The following TM4SF20 variants were observed in gnomAD, a reference collection of about 807,000 sequenced individuals.
TM4SF20 encodes the protein transmembrane 4 L six family member 20.
Under a neutral mutation model 15.1 loss-of-function variants are expected in TM4SF20, and 13 were observed. The observed-to-expected ratio is 0.86, with a 90% CI of 0.56 to 1.36. The LOEUF (loss-of-function observed/expected upper bound fraction) is 1.36, where lower values mean the gene tolerates loss of function less well. TM4SF20 is among the 40% of genes most tolerant of loss of function. TM4SF20 has a pLI of 0.00. For synonymous variants in TM4SF20, 92 were observed against 96.6 expected (o/e 0.95, Z 0.28); for missense variants, 282 against 268.4 (o/e 1.05, Z -0.35).
chr2:227,363,594 G>A lies in TM4SF20; in HGVS notation c.*130C>T, dbSNP rs938179404. 2 of 862,606 alleles carry A rather than the reference G, an allele frequency of 2.3e-6. No individual in the cohort carries two copies. The highest frequency in any genetic ancestry group is 3.5e-6 in the Non-Finnish European group (2 of 566,424). The allele number at this position is 862,606 out of a possible 1,614,324, so 53.4% of individuals were successfully genotyped here. A position where few individuals can be genotyped will look rare whatever the true frequency, so the allele number is the denominator to read the frequency against. On this transcript the variant is annotated 3_prime_UTR_variant, in exon 4 of 4. Coordinates refer to ENST00000304568, the MANE Select transcript of TM4SF20 (RefSeq NM_024795.4). ...CCAAATCAACCACTGATATGAGAGT[G>A]TTATGCATTTACAACGTGCTTTCTA...
chr2:227,366,173 C>G lies in TM4SF20; in HGVS notation c.321G>C (p.Gln107His). Residue 107 changes from glutamine (Q) to histidine (H), a missense_variant, in exon 3 of 4, where the codon CAG (glutamine) becomes CAC (histidine). Gln to His is a conservative substitution (Grantham distance 24). Coordinates refer to ENST00000304568, the MANE Select transcript of TM4SF20 (RefSeq NM_024795.4). ...GALYCMLISI[Q>H]ALLKGPLMCN... The stretch of plus-strand genomic sequence containing the variant: ...ACATGAGAGGACCTTTTAAGAGAGC[C>G]TGGATGGATATCAGCATGCAATACA... 6.2e-7 allele frequency: 1 copy of G among 1,613,998 alleles called. No homozygotes were observed. The highest frequency in any genetic ancestry group is 8.5e-7 in the Non-Finnish European group (1 of 1,179,940).
chr2:227,368,703 G>C (rs2076406017), intron 2 of TM4SF20, among the ~76,000 whole-genome samples: 1 of 152,160 alleles, frequency 6.6e-6, no homozygotes, highest in African/African-American at 2.4e-5. Context: ...AAAAGGCCTG[G>C]CTTTAGAAAG....
intron 2 of TM4SF20, among the ~76,000 whole-genome samples, chr2:227,370,453 T>C (rs1400646432): frequency 6.6e-6 from 1 of 152,072 alleles, no homozygotes; most frequent in Admixed American, 6.6e-5. Context: ...TTCTATATAA[T>C]CATCCTAAAT....
At chr2:227,372,131 C>A (rs1317012203) in intron 1 of TM4SF20, among the ~76,000 whole-genome samples, 1 of 152,166 alleles carries the variant, frequency 6.6e-6, no homozygotes, top group Non-Finnish European at 1.5e-5. Flanking sequence ...TGGTTTTTCT[C>A]TCTCCTTCTA....
intron 1 of TM4SF20, among the ~76,000 whole-genome samples, chr2:227,376,673 C>A (rs1311736946): frequency 6.6e-6 from 1 of 152,206 alleles, no homozygotes; most frequent in African/African-American, 2.4e-5. Context: ...TTTCTATAAT[C>A]TTTCTGTGAC....
chr2:227,377,680 G>A (rs918671212), intron 1 of TM4SF20, among the ~76,000 whole-genome samples: 1 of 152,160 alleles, frequency 6.6e-6, no homozygotes, highest in Non-Finnish European at 1.5e-5. Context: ...GCAGGGACAT[G>A]GATGGAGCTG....
intron 2 of TM4SF20, among the ~76,000 whole-genome samples, chr2:227,367,513 GAAA>G (rs541323251): frequency 1.4e-5 from 2 of 147,922 alleles, no homozygotes; most frequent in Admixed American, 1.3e-4. Flanking sequence ...ATCTCTAAAA[GAAA>G]AAAAAAAGAA....
upstream of TM4SF20, among the ~76,000 whole-genome samples, chr2:227,380,699 C>T (rs191737524): frequency 3.3e-3 from 496 of 152,290 alleles, 3 homozygotes; most frequent in Middle Eastern, 0.017. Context: ...TCTGTGTAAT[C>T]CCCCGCTCAG....
chr2:227,379,379 T>A, upstream of TM4SF20: 1 of 927,012 alleles, frequency 1.1e-6, no homozygotes, highest in Non-Finnish European at 1.6e-6. Context: ...AAATGAATAG[T>A]GGAAAATAGT....
At chr2:227,381,375 A>C (rs577846058), upstream of TM4SF20, among the ~76,000 whole-genome samples, 1 of 152,180 alleles carries the variant, frequency 6.6e-6, no homozygotes, top group South Asian at 2.1e-4. Context: ...AGACACTTCC[A>C]TTGTATGGTT....
At chr2:227,369,612 A>T (rs1020779310) in intron 2 of TM4SF20, among the ~76,000 whole-genome samples, 6 of 152,080 alleles carry the variant, frequency 3.9e-5, no homozygotes, top group African/African-American at 1.4e-4. Context: ...TATTTTTAGT[A>T]GAGACGGGGT....
intron 1 of TM4SF20, among the ~76,000 whole-genome samples, chr2:227,374,330 T>C (rs565731421): frequency 6.0e-4 from 91 of 152,314 alleles, no homozygotes; most frequent in Admixed American, 1.1e-3. Flanking sequence ...ATCTTTGTAA[T>C]GCTGTTACTG....
At chr2:227,368,142 G>A (rs368349333) in intron 2 of TM4SF20, among the ~76,000 whole-genome samples, 4 of 147,100 alleles carry the variant, frequency 2.7e-5, no homozygotes, top group African/African-American at 1.0e-4. Context: ...TCCTGCCTCA[G>A]CCTCCTGAGT....
chr2:227,369,518 T>G (rs1236081636), intron 2 of TM4SF20, among the ~76,000 whole-genome samples: 3 of 148,410 alleles, frequency 2.0e-5, no homozygotes, highest in Non-Finnish European at 3.0e-5. Context: ...AACCTTTGCC[T>G]CCTGGGTTCA....
At chr2:227,377,993 G>A (rs1444079148) in intron 1 of TM4SF20, among the ~76,000 whole-genome samples, 1 of 150,790 alleles carries the variant, frequency 6.6e-6, no homozygotes, top group East Asian at 1.9e-4. Context: ...AAAAAAAAAA[G>A]TTAAAAAAAA....
upstream of TM4SF20, among the ~76,000 whole-genome samples, chr2:227,380,157 T>A (rs1042689930): frequency 6.6e-6 from 1 of 152,066 alleles, no homozygotes; most frequent in African/African-American, 2.4e-5. Context: ...GGCAAAACCC[T>A]CATCTGTACC....
intron 1 of TM4SF20, among the ~76,000 whole-genome samples, chr2:227,377,177 A>G (rs1049878162): frequency 3.3e-5 from 5 of 152,124 alleles, no homozygotes; most frequent in Non-Finnish European, 7.3e-5. Context: ...CTAAAGCTGC[A>G]TGTGTTATTC....
At position 227,364,055 on chromosome 2, in the gene TM4SF20, T is replaced by C. The variant is rs369335460; in HGVS notation, c.402-43A>G. The C allele has an allele frequency of 8.9e-5, 138 of 1,556,422 alleles. 2 individuals are homozygous for C. In the South Asian group the frequency reaches 1.2e-3, roughly 13 times the overall value. ...AAAATCAGATATTCAGAAATATCCC[T>C]GACCAAAGGAAAGTAGCATTGTGCA... On this transcript the variant is annotated intron_variant, in intron 3 of 3. Coordinates refer to ENST00000304568, the MANE Select transcript of TM4SF20 (RefSeq NM_024795.4).
chr2:227,381,206 G>A (rs1041537467), upstream of TM4SF20, among the ~76,000 whole-genome samples: 7 of 151,980 alleles, frequency 4.6e-5, no homozygotes, highest in African/African-American at 1.7e-4. Flanking sequence ...GAACCCAGAA[G>A]GCAGTAGTTG....
Sources: allele counts gnomAD v4.1 joint callset (sites outside exome capture counted in the v4.1 genomes callset), GRCh38; gene constraint gnomAD v4.1.1; transcripts MANE v1.5; gene names NCBI Gene and HGNC (gene_info 2026-07-23, HGNC 2026-07-21).